DNAAF10: variants seen among roughly 807,000 people sequenced by gnomAD.
DNAAF10 encodes dynein axonemal assembly factor 10.
DNAAF10 carries 28 observed loss-of-function variants against 43.7 expected under a neutral mutation model. The ratio of observed to expected loss-of-function variants is 0.64; its 90% confidence interval spans 0.48 to 0.88. The LOEUF (loss-of-function observed/expected upper bound fraction) is 0.88, where lower values mean the gene tolerates loss of function less well. Ranked by LOEUF, DNAAF10 falls within the 40% of genes least tolerant of loss-of-function variation. The probability of loss-of-function intolerance (pLI) is 0.00; values close to 1 mark genes in which losing one functional copy is unlikely to be tolerated. For synonymous variants in DNAAF10, 156 were observed against 157.3 expected (o/e 0.99, Z 0.06); for missense variants, 403 against 439.1 (o/e 0.92, Z 0.73).
chr2:68,148,919 A>G (rs1004342922), intron 1 of DNAAF10, among the ~76,000 whole-genome samples: 1 of 152,198 alleles, frequency 6.6e-6, no homozygotes. Flanking sequence ...TTTTGTTTCA[A>G]TACAAGGCAG....
intron 2 of DNAAF10, among the ~76,000 whole-genome samples, chr2:68,147,152 T>C (rs1673337106): frequency 6.6e-6 from 1 of 152,164 alleles, no homozygotes; most frequent in Non-Finnish European, 1.5e-5. Context: ...ATATACTGTA[T>C]TTTTAAAGTT....
chr2:68,131,364 A>G lies in DNAAF10; in HGVS notation c.948T>C (p.Asn316=), dbSNP rs1440476756. The G allele has an allele frequency of 1.9e-6, 3 of 1,614,198 alleles. No individual in the cohort carries two copies. Among genetic ancestry groups the G allele is most frequent in the Middle Eastern group, 3.3e-4 (2 of 6,060 alleles). Residue 316 remains asparagine (N), a synonymous_variant, in exon 8 of 8, where the codon AAT becomes AAC. Coordinates refer to ENST00000295121, the MANE Select transcript of DNAAF10 (RefSeq NM_138458.4). The part of the protein sequence containing the change: ...GVAGSVSLLQ[N]VTLSTQPISS... ...AAATGGGCTGGGTGGACAACGTAAC[A>G]TTCTGCAGAAGGCTTACAGAACCTG... is the stretch of plus-strand genomic sequence containing the variant.
chr2:68,137,704 T>C (rs1410858740), intron 5 of DNAAF10, among the ~76,000 whole-genome samples: 5 of 151,170 alleles, frequency 3.3e-5, no homozygotes, highest in African/African-American at 1.2e-4. Flanking sequence ...CTGTCTCTAC[T>C]AAAAATACAA....
At chr2:68,148,495 T>G (rs147140396) in intron 1 of DNAAF10, among the ~76,000 whole-genome samples, 1 of 152,332 alleles carries the variant, frequency 6.6e-6, no homozygotes, top group African/African-American at 2.4e-5. Flanking sequence ...GGTCTTCTAT[T>G]CACCTTCTTT....
Position 68,157,353 on chromosome 2 carries a change from C to G in DNAAF10, c.91G>C (p.Ala31Pro), listed in dbSNP as rs1673654962. ...AAGTTGCCCATGGTCACAAATTTGGCGCTGCAGGGCACCCACTTACAGTCA... is the reference window on the plus strand; with the variant it reads ...AAGTTGCCCATGGTCACAAATTTGGGGCTGCAGGGCACCCACTTACAGTCA... Reference protein sequence around the residue: ...VFDCKWVPCSAKFVTMGNFAR... With the variant: ...VFDCKWVPCSPKFVTMGNFAR... The change falls in exon 1 of 8, where the codon GCC (alanine) becomes CCC (proline). Residue 31 changes from alanine to proline, a missense_variant. Coordinates refer to ENST00000295121, the MANE Select transcript of DNAAF10 (RefSeq NM_138458.4). The G allele has an allele frequency of 6.2e-7, 1 of 1,614,188 alleles. No individual in the cohort carries two copies. Among genetic ancestry groups the G allele is most frequent in the East Asian group, 2.2e-5 (1 of 44,880 alleles).
intron 4 of DNAAF10, among the ~76,000 whole-genome samples, chr2:68,139,986 G>A (rs1673138088): frequency 6.6e-6 from 1 of 152,114 alleles, no homozygotes; most frequent in Non-Finnish European, 1.5e-5. Flanking sequence ...GAAAAATGTT[G>A]CTCTGGTGTG....
intron 3 of DNAAF10, among the ~76,000 whole-genome samples, chr2:68,142,413 C>T (rs537507678): frequency 5.9e-4 from 89 of 152,044 alleles, no homozygotes; most frequent in African/African-American, 2.0e-3. Context: ...TGCACCACCA[C>T]GCCCAGCTAA....
chr2:68,134,712 G>A lies in DNAAF10; in HGVS notation c.856C>T (p.Leu286Phe), dbSNP rs1672996470. ...CACTGGCAGACTTACTACTTCCAGA[G>A]GTGAAGGCCGCCGGCGCCTCCAGCT... is the stretch of plus-strand genomic sequence containing the variant. ...LTAGGAGGLHLWKYEYPIQRS... is the reference protein window; with the variant it reads ...LTAGGAGGLHFWKYEYPIQRS... Residue 286 changes from leucine to phenylalanine, a missense_variant, in exon 7 of 8, where the codon CTC (leucine) becomes TTC (phenylalanine). Coordinates refer to ENST00000295121, the MANE Select transcript of DNAAF10 (RefSeq NM_138458.4). 2 of 1,610,312 alleles carry A rather than the reference G, an allele frequency of 1.2e-6. No homozygotes were observed. The highest frequency in any genetic ancestry group is 1.7e-6 in the Non-Finnish European group (2 of 1,179,138).
intron 5 of DNAAF10, 21 bp downstream of exon 5, chr2:68,138,721 A>C: frequency 6.4e-7 from 1 of 1,562,834 alleles, no homozygotes; most frequent in Non-Finnish European, 8.8e-7. Flanking sequence ...AGAAACCAAA[A>C]AGCCTCAGAA....
chr2:68,150,811 G>T (rs926933421), intron 1 of DNAAF10, among the ~76,000 whole-genome samples: 1 of 152,194 alleles, frequency 6.6e-6, no homozygotes, highest in South Asian at 2.1e-4. Flanking sequence ...GTGGTTACTT[G>T]TGATGTAAAA....
chr2:68,135,071 T>C (rs1464452255), intron 6 of DNAAF10, among the ~76,000 whole-genome samples: 1 of 152,216 alleles, frequency 6.6e-6, no homozygotes, highest in East Asian at 1.9e-4. Context: ...AAGTTTATAG[T>C]ATCAAATACT....
In DNAAF10 at chr2:68,131,418, T is replaced by TTTCTTTGACCGCTGAATAGGGTA; in HGVS notation, c.871_893dup (p.Lys298AsnfsTer14). 6.2e-7 allele frequency: 1 copy of TTTCTTTGACCGCTGAATAGGGTA among 1,614,212 alleles called. No individual in the cohort carries two copies. The highest frequency in any genetic ancestry group is 8.5e-7 in the Non-Finnish European group (1 of 1,180,034). ...CTCCCATTTCTATTCCCTCAGAATC[T>TTTCTTTGACCGCTGAATAGGGTA]TTCTTTGACCGCTGAATAGGGTATT... On this transcript the variant is annotated frameshift_variant, in exon 8 of 8. Transcript: ENST00000295121. LOFTEE classifies it high-confidence loss of function.
At chr2:68,139,839 T>C (rs1020573295) in intron 4 of DNAAF10, among the ~76,000 whole-genome samples, 1 of 151,850 alleles carries the variant, frequency 6.6e-6, no homozygotes, top group Non-Finnish European at 1.5e-5. Flanking sequence ...CTTTCTACTA[T>C]ATCTGCAAAG....
At chr2:68,147,381 A>C in intron 2 of DNAAF10, 86 bp downstream of exon 2, 1 of 1,004,602 alleles carries the variant, frequency 1.0e-6, no homozygotes, top group Non-Finnish European at 1.5e-6. Flanking sequence ...TTTAAAATTA[A>C]AATTCTCTCT....
At position 68,151,324 on chromosome 2, in the gene DNAAF10, C is replaced by T. The variant is rs1320321814; in HGVS notation, c.184-3757G>A. Among the ~76,000 whole-genome samples the T allele has an allele frequency of 2.0e-5, 3 of 152,158 alleles. No homozygotes were observed. In the South Asian group the frequency reaches 6.2e-4, roughly 31 times the overall value. On this transcript the variant is annotated intron_variant, in intron 1 of 7. Coordinates refer to ENST00000295121, the MANE Select transcript of DNAAF10 (RefSeq NM_138458.4). ...CTTCCACTTGGGCCATTTGAATTTG[C>T]TGTTCCCACTGCTTGGACTACTTTT...
In DNAAF10 at chr2:68,156,048, G is replaced by C. The variant is rs1409519509; in HGVS notation, c.183+1213C>G. Among the ~76,000 whole-genome samples, 3 of 142,476 alleles carry C rather than the reference G, an allele frequency of 2.1e-5. No homozygotes were observed. In the East Asian group the frequency reaches 6.5e-4, roughly 31 times the overall value. The allele number at this position is 142,476 out of a possible 152,430, so 93.5% of individuals were successfully genotyped here. ...GGTGGGGAGGCGGAGGTTGCAGTGA[G>C]CTGTGTTTGCACCACAGCACTCCGG... On this transcript the variant is annotated intron_variant, in intron 1 of 7. Transcript: ENST00000295121.
intron 1 of DNAAF10, among the ~76,000 whole-genome samples, chr2:68,148,889 G>A (rs1044413756): frequency 3.3e-5 from 5 of 152,140 alleles, no homozygotes; most frequent in Admixed American, 6.5e-5. Context: ...GGCCTTCTAC[G>A]CATTTACAAA....
intron 5 of DNAAF10, among the ~76,000 whole-genome samples, chr2:68,137,759 T>C (rs1435349122): frequency 6.6e-6 from 1 of 150,460 alleles, no homozygotes; most frequent in African/African-American, 2.4e-5. Flanking sequence ...CCCAGCTACT[T>C]GGGAGGCTGA....
intron 1 of DNAAF10, among the ~76,000 whole-genome samples, chr2:68,153,371 C>T (rs568169654): frequency 2.3e-4 from 33 of 140,604 alleles, no homozygotes; most frequent in African/African-American, 8.5e-4. Flanking sequence ...AAAAAAAGAA[C>T]GATGCATGAG....
Sources: allele counts gnomAD v4.1 joint callset (sites outside exome capture counted in the v4.1 genomes callset), GRCh38; gene constraint gnomAD v4.1.1; transcripts MANE v1.5; gene names NCBI Gene and HGNC (gene_info 2026-07-23, HGNC 2026-07-21).